The following NKAIN2 variants were observed in gnomAD, a reference collection of about 807,000 sequenced individuals.
The protein encoded by NKAIN2 is sodium/potassium transporting ATPase interacting 2.
NKAIN2 carries 14 observed loss-of-function variants against 32.6 expected under a neutral mutation model. The ratio of observed to expected loss-of-function variants is 0.43; its 90% CI spans 0.28 to 0.67. The LOEUF (loss-of-function observed/expected upper bound fraction) is 0.67, where lower values mean the gene tolerates loss of function less well. NKAIN2 is among the 30% of genes least tolerant of loss of function. The probability of loss-of-function intolerance (pLI) is 0.17; values close to 1 mark genes in which losing one functional copy is unlikely to be tolerated. For synonymous variants in NKAIN2, 80 were observed against 87.2 expected, an observed-to-expected ratio of 0.92 and a Z score of 0.46; for missense variants, 198 against 258.3, an observed-to-expected ratio of 0.77 and a Z score of 1.60.
intron 1 of NKAIN2, among the ~76,000 whole-genome samples, chr6:123,850,356 AT>A (rs372866049): frequency 0.26 from 29,043 of 109,726 alleles, 3,506 homozygotes; most frequent in Non-Finnish European, 0.31. Flanking sequence ...AAAAAAAAAA[AT>A]ATATATATAT....
Position 124,066,762 on chromosome 6 carries a change from A to T in NKAIN2, c.55-216243A>T, listed in dbSNP as rs1402271274. On this transcript the variant is annotated intron_variant, in intron 1 of 6. Coordinates refer to ENST00000368417, the MANE Select transcript of NKAIN2 (RefSeq NM_001040214.3). ...TTTTGCTTCTGTAACCACTCTAATA[A>T]ACAGGAATGCATATAATCCTTTTAG... 5.9e-5 allele frequency among the ~76,000 whole-genome samples: 9 copies of T among 152,246 alleles called. No homozygotes were observed. In the East Asian group the frequency reaches 1.5e-3, roughly 26 times the overall value.
chr6:124,163,905 A>C (rs1166908277), intron 1 of NKAIN2, among the ~76,000 whole-genome samples: 1 of 152,026 alleles, frequency 6.6e-6, no homozygotes, highest in Admixed American at 6.6e-5. Context: ...GATAATACGA[A>C]CTGAAACTTG....
intron 1 of NKAIN2, among the ~76,000 whole-genome samples, chr6:123,855,463 TTA>T (rs775803755): frequency 0.021 from 3,251 of 152,316 alleles, 52 homozygotes; most frequent in Non-Finnish European, 0.03. Flanking sequence ...AAGACTTTGA[TTA>T]TTGCAAATTG....
In NKAIN2 at chr6:124,611,700, T is replaced by C. The variant is rs554013014; in HGVS notation, c.274-46486T>C. Among the ~76,000 whole-genome samples, 167 of 152,260 alleles carry C rather than the reference T, an allele frequency of 1.1e-3. 1 individual carries two copies. The highest frequency in any genetic ancestry group is 6.8e-3 in the Middle Eastern group (2 of 294). ...ATTTGGTGGATTAGAATAAAATAGT[T>C]GTTACTGTGTGTGTGTGTTTGTGTA... On this transcript the variant is annotated intron_variant, in intron 3 of 6. Coordinates refer to ENST00000368417, the MANE Select transcript of NKAIN2 (RefSeq NM_001040214.3).
intron 3 of NKAIN2, chr6:124,437,899 C>G (rs1168218511): frequency 3.0e-6 from 1 of 333,994 alleles, no homozygotes; most frequent in Admixed American, 3.7e-5. Flanking sequence ...TTTCTTAACC[C>G]CAGGTAACGG....
At chr6:124,010,583 A>G (rs774870192) in intron 1 of NKAIN2, among the ~76,000 whole-genome samples, 2 of 150,976 alleles carry the variant, frequency 1.3e-5, no homozygotes, top group Non-Finnish European at 1.5e-5. Flanking sequence ...GGGCTCAAAC[A>G]CTGGCTTATC....
At chr6:123,853,475 T>C (rs562038350) in intron 1 of NKAIN2, among the ~76,000 whole-genome samples, 3 of 152,324 alleles carry the variant, frequency 2.0e-5, no homozygotes, top group African/African-American at 7.2e-5. Context: ...CAAACATTTA[T>C]TATATTATAA....
chr6:124,035,498 G>C (rs1196604873), intron 1 of NKAIN2, among the ~76,000 whole-genome samples: 2 of 152,052 alleles, frequency 1.3e-5, no homozygotes, highest in Non-Finnish European at 2.9e-5. Context: ...ATCTCCTGTA[G>C]TTTCCAACTG....
intron 2 of NKAIN2, among the ~76,000 whole-genome samples, chr6:124,317,701 G>A (rs761094030): frequency 1.3e-4 from 19 of 151,934 alleles, no homozygotes; most frequent in Non-Finnish European, 2.6e-4. Flanking sequence ...CCCCTAAAAT[G>A]TACATATTTC....
intron 4 of NKAIN2, among the ~76,000 whole-genome samples, chr6:124,736,106 A>G (rs924453098): frequency 1.3e-5 from 2 of 151,976 alleles, no homozygotes; most frequent in Non-Finnish European, 2.9e-5. Context: ...GAAGGAAACT[A>G]AAAATGCTAC....
intron 1 of NKAIN2, among the ~76,000 whole-genome samples, chr6:123,922,827 T>A (rs574350117): frequency 6.6e-6 from 1 of 152,328 alleles, no homozygotes; most frequent in Non-Finnish European, 1.5e-5. Context: ...CTTCTTACTT[T>A]ATTGAAAGAT....
intron 1 of NKAIN2, among the ~76,000 whole-genome samples, chr6:123,847,345 A>G (rs2114948794): frequency 6.6e-6 from 1 of 152,162 alleles, no homozygotes; most frequent in East Asian, 1.9e-4. Flanking sequence ...CCAAACAGAA[A>G]AAAAAGTAAC....
chr6:123,948,744 G>A (rs1292485600), intron 1 of NKAIN2, among the ~76,000 whole-genome samples: 2 of 151,212 alleles, frequency 1.3e-5, no homozygotes, highest in African/African-American at 4.9e-5. Context: ...TTGCTCTGCT[G>A]TGCAGAAGCT....
intron 4 of NKAIN2, among the ~76,000 whole-genome samples, chr6:124,775,069 G>C (rs965430588): frequency 6.6e-6 from 1 of 151,978 alleles, no homozygotes; most frequent in African/African-American, 2.4e-5. Flanking sequence ...TTGAACATAG[G>C]GTATGGAAGA....
At chr6:124,802,600 C>G (rs1056159753) in intron 5 of NKAIN2, among the ~76,000 whole-genome samples, 2 of 152,130 alleles carry the variant, frequency 1.3e-5, no homozygotes. Flanking sequence ...TACAGTTTCT[C>G]CACCCTGTTA....
At chr6:124,462,152 A>T (rs1012103107) in intron 3 of NKAIN2, among the ~76,000 whole-genome samples, 3 of 151,878 alleles carry the variant, frequency 2.0e-5, no homozygotes, top group African/African-American at 7.2e-5. Flanking sequence ...TTCTAAAAGC[A>T]TTACCTACAA....
chr6:124,446,281 T>C (rs1205452888), intron 3 of NKAIN2, among the ~76,000 whole-genome samples: 1 of 152,114 alleles, frequency 6.6e-6, no homozygotes, highest in Non-Finnish European at 1.5e-5. Context: ...CACTTTGAAA[T>C]GGGTAAAGCT....
intron 1 of NKAIN2, among the ~76,000 whole-genome samples, chr6:123,929,348 C>G (rs1776149577): frequency 6.6e-6 from 1 of 152,048 alleles, no homozygotes; most frequent in South Asian, 2.1e-4. Flanking sequence ...CCCTGAGTCT[C>G]TCTTCCTACC....
intron 4 of NKAIN2, among the ~76,000 whole-genome samples, chr6:124,729,240 G>T (rs1260035957): frequency 7.3e-5 from 11 of 150,406 alleles, no homozygotes; most frequent in Non-Finnish European, 1.3e-4. Context: ...CCAAAGCCAG[G>T]CAGAGACACA....
Sources: allele counts gnomAD v4.1 joint callset (sites outside exome capture counted in the v4.1 genomes callset), GRCh38; gene constraint gnomAD v4.1.1; transcripts MANE v1.5; gene names NCBI Gene and HGNC (gene_info 2026-07-23, HGNC 2026-07-21).